Variants in FAM135B observed in about 807,000 individuals in gnomAD.
The protein encoded by FAM135B is family with sequence similarity 135 member B.
A neutral mutation model predicts 127.7 loss-of-function variants in FAM135B; 43 were observed. That is an observed-to-expected ratio of 0.34 (90% confidence interval 0.26 to 0.43). The LOEUF (loss-of-function observed/expected upper bound fraction) is 0.43, where lower values mean the gene tolerates loss of function less well. Ranked by LOEUF, FAM135B falls within the 20% of genes least tolerant of loss-of-function variation. The pLI, the probability that FAM135B is intolerant of heterozygous loss-of-function variation, is 1.00. For missense variants in FAM135B, 1,558 were observed against 1,725.6 expected, an observed-to-expected ratio of 0.90 and a Z score of 1.72; for synonymous variants, 670 against 665.1, an observed-to-expected ratio of 1.01 and a Z score of -0.11.
chr8:138,205,272 G>T (rs972028189), intron 7 of FAM135B, among the ~76,000 whole-genome samples: 1 of 152,172 alleles, frequency 6.6e-6, no homozygotes, highest in Admixed American at 6.5e-5. Context: ...AATAATGTTT[G>T]CAGGTCTCAA....
intron 7 of FAM135B, among the ~76,000 whole-genome samples, chr8:138,224,481 G>A (rs577057166): frequency 6.6e-6 from 1 of 152,232 alleles, no homozygotes; most frequent in Non-Finnish European, 1.5e-5. Context: ...CTGTCGCCCA[G>A]GCTGGAATGC....
At chr8:138,227,959 A>G (rs892854734) in intron 7 of FAM135B, among the ~76,000 whole-genome samples, 6 of 152,160 alleles carry the variant, frequency 3.9e-5, no homozygotes, top group African/African-American at 1.4e-4. Flanking sequence ...TAATCCTGCT[A>G]TCAAGGCAAC....
intron 16 of FAM135B, among the ~76,000 whole-genome samples, chr8:138,142,285 C>CTT (rs1166235927): frequency 2.0e-5 from 2 of 99,934 alleles, no homozygotes; most frequent in African/African-American, 3.7e-5. Flanking sequence ...CATTCTGCTT[C>CTT]TTCTTTTTTT....
At chr8:138,303,124 A>G (rs1340479307) in intron 3 of FAM135B, among the ~76,000 whole-genome samples, 4 of 152,212 alleles carry the variant, frequency 2.6e-5, no homozygotes, top group Non-Finnish European at 5.9e-5. Flanking sequence ...TACTATAAAG[A>G]CACATGCACA....
At chr8:138,474,034 C>T (rs1814241159) in intron 1 of FAM135B, among the ~76,000 whole-genome samples, 1 of 152,122 alleles carries the variant, frequency 6.6e-6, no homozygotes, top group Non-Finnish European at 1.5e-5. Flanking sequence ...ACTATATCAA[C>T]GTGTCTCAGG....
intron 1 of FAM135B, among the ~76,000 whole-genome samples, chr8:138,490,121 TG>T (rs1815140981): frequency 6.6e-6 from 1 of 152,208 alleles, no homozygotes; most frequent in Non-Finnish European, 1.5e-5. Context: ...ATAAAATTTT[TG>T]TTGACTGCCT....
intron 1 of FAM135B, among the ~76,000 whole-genome samples, chr8:138,488,769 C>A (rs1815088786): frequency 6.6e-6 from 1 of 152,152 alleles, no homozygotes; most frequent in African/African-American, 2.4e-5. Flanking sequence ...CAGGTTCAAG[C>A]AATTTTCCTG....
intron 7 of FAM135B, among the ~76,000 whole-genome samples, chr8:138,227,130 G>A (rs1344482119): frequency 3.3e-5 from 5 of 152,198 alleles, no homozygotes; most frequent in Non-Finnish European, 4.4e-5. Context: ...GATCAGATCA[G>A]GGCAGGCACG....
At chr8:138,439,153 G>C (rs1835622603) in intron 1 of FAM135B, 1 of 152,104 alleles carries the variant, frequency 6.6e-6, no homozygotes, top group African/African-American at 2.4e-5. Flanking sequence ...AGCTGTACAA[G>C]GCAAAGTTTC....
At chr8:138,456,944 G>T (rs533641237) in intron 1 of FAM135B, among the ~76,000 whole-genome samples, 1 of 151,614 alleles carries the variant, frequency 6.6e-6, no homozygotes, top group South Asian at 2.1e-4. Flanking sequence ...ACGGGGGAAG[G>T]ACCAGGAAAA....
intron 3 of FAM135B, among the ~76,000 whole-genome samples, chr8:138,306,435 G>GA (rs1352971617): frequency 1.4e-4 from 18 of 130,950 alleles, no homozygotes; most frequent in African/African-American, 4.0e-4. Context: ...ACTCCGTCTC[G>GA]AAAAAAAAAG....
intron 12 of FAM135B, among the ~76,000 whole-genome samples, chr8:138,165,598 A>G (rs1460834503): frequency 6.6e-6 from 1 of 152,210 alleles, no homozygotes; most frequent in Non-Finnish European, 1.5e-5. Flanking sequence ...TGGGCGATTA[A>G]TTTAAATTTC....
At chr8:138,173,394 G>A (rs145639922) in intron 11 of FAM135B, among the ~76,000 whole-genome samples, 1 of 152,294 alleles carries the variant, frequency 6.6e-6, no homozygotes, top group Non-Finnish European at 1.5e-5. Context: ...AAGCAAGGAG[G>A]TTATGAGTGT....
In FAM135B at chr8:138,153,176, C is replaced by A. The variant is rs138114630; in HGVS notation, c.1299G>T (p.Val433=). The A allele has an allele frequency of 1.2e-4, 192 of 1,593,032 alleles. No individual in the cohort carries two copies. In the African/African-American group the frequency reaches 2.3e-3, roughly 19 times the overall value. Residue 433 remains valine (V), a synonymous_variant, in exon 13 of 20, where the codon GTG becomes GTT. Transcript: ENST00000395297. ...LSVYPNFDVP[V]TSPTIMNLKD... is the part of the protein sequence containing the mutation. ...TCAGATTCATTATTGTAGGACTTGTCACTGGAACATCAAAATTAGGATAAA... is the reference window on the plus strand; with the variant it reads ...TCAGATTCATTATTGTAGGACTTGTAACTGGAACATCAAAATTAGGATAAA...
intron 2 of FAM135B, among the ~76,000 whole-genome samples, chr8:138,320,049 A>C (rs1827349936): frequency 1.3e-5 from 2 of 152,226 alleles, no homozygotes; most frequent in Non-Finnish European, 2.9e-5. Flanking sequence ...CTTCTACTGC[A>C]TGGAGACTCC....
chr8:138,256,699 T>C lies in FAM135B; in HGVS notation c.358A>G (p.Ser120Gly), dbSNP rs374673075. 2.5e-6 allele frequency: 4 copies of C among 1,613,862 alleles called. No homozygotes were observed. The highest frequency in any genetic ancestry group is 3.4e-6 in the Non-Finnish European group (4 of 1,179,818). Residue 120 changes from serine (S) to glycine (G), a missense_variant, in exon 5 of 20, where the codon AGT (serine) becomes GGT (glycine). Around this residue, in one of 5 missense-constraint regions of FAM135B, gnomAD observed 199 missense variants for 245.7 expected, o/e 0.81. Coordinates refer to ENST00000395297, the MANE Select transcript of FAM135B (RefSeq NM_015912.4). ...QLKVDLHFTD[S>G]EQQLRDVAGA... ...TTCCATGACACTCACTGCTGTTCAC[T>C]GTCCGTAAAGTGCAGATCCACCTTG...
chr8:138,252,756 G>A (rs1821789399), intron 5 of FAM135B, among the ~76,000 whole-genome samples: 3 of 152,090 alleles, frequency 2.0e-5, no homozygotes, highest in Admixed American at 1.3e-4. Flanking sequence ...CACAGAAAGA[G>A]CCCTAGTATT....
At chr8:138,256,593 G>T in intron 5 of FAM135B, 96 bp downstream of exon 5, 2 of 990,118 alleles carry the variant, frequency 2.0e-6, no homozygotes, top group South Asian at 1.4e-5. Context: ...TCTGAGAGAC[G>T]TTCTGAGGTT....
At chr8:138,423,279 C>G (rs113531869) in intron 1 of FAM135B, among the ~76,000 whole-genome samples, 3 of 151,986 alleles carry the variant, frequency 2.0e-5, no homozygotes, top group Non-Finnish European at 2.9e-5. Flanking sequence ...TAAAAGTTAG[C>G]GGAAAAAAAG....
Sources: allele counts gnomAD v4.1 joint callset (sites outside exome capture counted in the v4.1 genomes callset), GRCh38; gene constraint gnomAD v4.1.1; regional missense constraint gnomAD v4.1.1; transcripts MANE v1.5; gene names NCBI Gene and HGNC (gene_info 2026-07-23, HGNC 2026-07-21).